The following IGSF6 variants were observed in gnomAD, a reference collection of about 807,000 sequenced individuals.
IGSF6 encodes the protein immunoglobulin superfamily member 6, also known as down-regulated by activation (immunoglobulin superfamily).
A neutral mutation model predicts 24.7 loss-of-function variants in IGSF6; 23 were observed. That is an observed-to-expected ratio of 0.93 (90% CI 0.67 to 1.32). The LOEUF (loss-of-function observed/expected upper bound fraction) is 1.32. Ranked by LOEUF, IGSF6 falls within the 40% of genes most tolerant of loss-of-function variation. The probability of loss-of-function intolerance (pLI) is 0.00; values close to 1 mark genes in which losing one functional copy is unlikely to be tolerated. For synonymous variants in IGSF6, 110 were observed against 113.7 expected (o/e 0.97, Z 0.21); for missense variants, 295 against 293.6 (o/e 1.00, Z -0.04).
rs1343787760 is a variant in IGSF6, at chr16:21,647,501, G to T, written c.68-9C>A. 1 of 1,599,928 alleles carries T rather than the reference G, an allele frequency of 6.3e-7. No individual in the cohort carries two copies. The highest frequency in any genetic ancestry group is 1.7e-5 in the Admixed American group (1 of 59,134). The stretch of plus-strand genomic sequence containing the variant: ...ACAGGCGCCCACAGCACCTGTGGGA[G>T]GAAGCAGATGAGTGGGTTAATGGGC... On this transcript the variant is annotated splice_polypyrimidine_tract_variant and intron_variant, in intron 1 of 5. Transcript: ENST00000268389.
intron 1 of IGSF6, among the ~76,000 whole-genome samples, chr16:21,648,588 G>A (rs928173157): frequency 2.0e-5 from 3 of 152,320 alleles, no homozygotes; most frequent in Non-Finnish European, 2.9e-5. Flanking sequence ...TCCAAGTTAT[G>A]AGGATTGAGT....
chr16:21,642,448 C>T (rs527652001), intron 5 of IGSF6: 2 of 152,192 alleles, frequency 1.3e-5, no homozygotes, highest in East Asian at 3.9e-4. Flanking sequence ...TACATTTTAG[C>T]TTATTTGAGC....
intron 4 of IGSF6, 122 bp downstream of exon 4, chr16:21,643,426 G>T (rs1966330349): frequency 7.3e-6 from 5 of 680,712 alleles, no homozygotes. Context: ...GCAGTTGAAA[G>T]TTACCTTGAT....
chr16:21,647,183 G>T lies in IGSF6; in HGVS notation c.377C>A (p.Pro126Gln). 3 of 1,614,036 alleles carry T rather than the reference G, an allele frequency of 1.9e-6. No individual in the cohort carries two copies. The highest frequency in any genetic ancestry group is 2.5e-6 in the Non-Finnish European group (3 of 1,179,978). The change falls in exon 2 of 6, where the codon CCG becomes CAG. Residue 126 changes from proline to glutamine, a missense_variant. By Grantham distance (76) the Pro-to-Gln change is moderately conservative (BLOSUM62 -1). Transcript: ENST00000268389. ...YICGIAFPSVPEARAKQTGGG... is the reference protein window; with the variant it reads ...YICGIAFPSVQEARAKQTGGG... ...TCCTGTCTGTTTAGCTCTCGCTTCC[G>T]GCACACTGGGGAATGCTATTCCACA... is the stretch of plus-strand genomic sequence containing the variant.
Position 21,647,179 on chromosome 16 carries a change from T to G in IGSF6, c.381A>C (p.Glu127Asp). 2 of 1,614,198 alleles carry G rather than the reference T, an allele frequency of 1.2e-6. No homozygotes were observed. Among genetic ancestry groups the G allele is most frequent in the Non-Finnish European group, 1.7e-6 (2 of 1,180,020 alleles). ...ICGIAFPSVP[E>D]ARAKQTGGGT... Reference sequence around the variant, plus strand: ...CTCCTCCTGTCTGTTTAGCTCTCGCTTCCGGCACACTGGGGAATGCTATTC... The same window carrying G: ...CTCCTCCTGTCTGTTTAGCTCTCGCGTCCGGCACACTGGGGAATGCTATTC... Residue 127 changes from glutamate (E) to aspartate (D), a missense_variant, in exon 2 of 6, where the codon GAA becomes GAC. Coordinates refer to ENST00000268389, the MANE Select transcript of IGSF6 (RefSeq NM_005849.4).
chr16:21,644,991 T>C (rs572627544), intron 2 of IGSF6, among the ~76,000 whole-genome samples: 8 of 152,346 alleles, frequency 5.3e-5, no homozygotes, highest in African/African-American at 1.9e-4. Context: ...ATAGAGTTAT[T>C]GAATCCATTT....
intron 5 of IGSF6, 74 bp downstream of exon 5, chr16:21,643,000 C>T: frequency 1.1e-6 from 1 of 948,180 alleles, no homozygotes; most frequent in South Asian, 1.4e-5. Flanking sequence ...TTCTTGACAG[C>T]TCCTTGGCAG....
chr16:21,639,700 C>G lies in IGSF6; in HGVS notation c.*1834G>C, dbSNP rs1421468203. On this transcript the variant is annotated 3_prime_UTR_variant, in exon 6 of 6. Transcript: ENST00000268389. ...ACACATGTGGCCCCACACATATACA[C>G]ATGTGCACTCACGTGTACACACAGA... is the stretch of plus-strand genomic sequence containing the variant. 7 of 152,206 alleles carry G rather than the reference C, an allele frequency of 4.6e-5. No individual in the cohort carries two copies. Among genetic ancestry groups the G allele is most frequent in the Admixed American group, 2.6e-4 (4 of 15,282 alleles). 9.4% of individuals were successfully genotyped at this position (152,206 alleles called of 1,614,324 possible).
intron 1 of IGSF6, chr16:21,652,263 G>A (rs757309832): frequency 1.2e-4 from 37 of 309,434 alleles, no homozygotes; most frequent in African/African-American, 5.6e-4. Context: ...TTATACCTAC[G>A]ATTTTAAGAA....
At chr16:21,642,726 A>T (rs973296670) in intron 5 of IGSF6, among the ~76,000 whole-genome samples, 1 of 152,214 alleles carries the variant, frequency 6.6e-6, no homozygotes, top group Non-Finnish European at 1.5e-5. Context: ...AAACATTTGC[A>T]GTATCTACTG....
intron 5 of IGSF6, 47 bp downstream of exon 5, chr16:21,643,027 G>C (rs367715461): frequency 7.7e-7 from 1 of 1,306,750 alleles, no homozygotes. Flanking sequence ...TTTTTCAAAC[G>C]TGCTTTATAT....
chr16:21,645,046 C>G (rs1966389144), intron 2 of IGSF6, among the ~76,000 whole-genome samples: 1 of 152,180 alleles, frequency 6.6e-6, no homozygotes, highest in Admixed American at 6.5e-5. Context: ...GTCTTGTGCT[C>G]TGGGTAGGGA....
intron 3 of IGSF6, among the ~76,000 whole-genome samples, chr16:21,644,004 A>G (rs1431232002): frequency 6.6e-6 from 1 of 152,156 alleles, no homozygotes; most frequent in African/African-American, 2.4e-5. Flanking sequence ...TCACCCCTAC[A>G]GCAGAAAGAT....
At chr16:21,650,619 A>C (rs1447163610) in intron 1 of IGSF6, among the ~76,000 whole-genome samples, 1 of 152,054 alleles carries the variant, frequency 6.6e-6, no homozygotes, top group Non-Finnish European at 1.5e-5. Context: ...GTAACTTTGG[A>C]ATTTCATATC....
rs975660238 is a variant in IGSF6 at position 21,639,768 on chromosome 16, G to A, written c.*1766C>T. ...GGTTCCATGCTGCCTCCTTTCCCCT[G>A]CCCATTTTTCTGGGCACATAGGATC... On this transcript the variant is annotated 3_prime_UTR_variant, in exon 6 of 6. Coordinates refer to ENST00000268389, the MANE Select transcript of IGSF6 (RefSeq NM_005849.4). 6.6e-6 allele frequency: 1 copy of A among 151,930 alleles called. No homozygotes were observed. Among genetic ancestry groups the A allele is most frequent in the Admixed American group, 6.6e-5 (1 of 15,246 alleles). 9.4% of individuals were successfully genotyped at this position (151,930 alleles called of 1,614,324 possible). A position where few individuals can be genotyped will look rare whatever the true frequency, so the allele number is the denominator to read the frequency against.
rs752519785 is a variant in IGSF6 at position 21,643,546 on chromosome 16, A to G, written c.585+2T>C. On this transcript the variant is annotated splice_donor_variant, in intron 4 of 5. Coordinates refer to ENST00000268389, the MANE Select transcript of IGSF6 (RefSeq NM_005849.4). LOFTEE classifies it high-confidence loss of function. The stretch of plus-strand genomic sequence containing the variant: ...AAATATTTTTCAAGTGTTGGTCTGT[A>G]CCTTTTGTGAGTCTTCTTTTATTTC... The G allele has an allele frequency of 2.5e-6, 4 of 1,590,574 alleles. No individual in the cohort carries two copies. The South Asian group carries it at 4.5e-5, about 18-fold the overall frequency.
chr16:21,650,192 A>T (rs1027232320), intron 1 of IGSF6, among the ~76,000 whole-genome samples: 34 of 152,046 alleles, frequency 2.2e-4, no homozygotes, highest in Non-Finnish European at 4.3e-4. Context: ...CCTGGGCAGC[A>T]TTGTGAGATC....
chr16:21,649,938 G>A (rs192402920), intron 1 of IGSF6, among the ~76,000 whole-genome samples: 1 of 152,102 alleles, frequency 6.6e-6, no homozygotes, highest in East Asian at 1.9e-4. Flanking sequence ...TAAACTCCTG[G>A]GCTCAAGCAA....
intron 1 of IGSF6, 195 bp downstream of exon 1, chr16:21,652,337 T>G (rs1966598668): frequency 2.1e-6 from 1 of 481,128 alleles, no homozygotes; most frequent in Non-Finnish European, 3.7e-6. Flanking sequence ...TTTTCAAGGT[T>G]AATATGAAAC....
Sources: gnomAD v4.1 joint callset for allele counts (sites outside exome capture counted in the v4.1 genomes callset) on GRCh38, gnomAD v4.1.1 for gene constraint, MANE v1.5 for transcripts, NCBI Gene and HGNC (gene_info 2026-07-23, HGNC 2026-07-21) for gene names.